Variants in CNTN5 observed in about 807,000 individuals in gnomAD.
CNTN5 encodes contactin-5.
CNTN5 carries 77 observed loss-of-function variants against 129.1 expected under a neutral mutation model. The ratio of observed to expected loss-of-function variants is 0.60; its 90% confidence interval spans 0.50 to 0.72. The LOEUF (loss-of-function observed/expected upper bound fraction) is 0.72. Among genes scored for constraint, CNTN5 ranks in the 30% least tolerant of loss-of-function variants. The probability of loss-of-function intolerance (pLI) is 0.00; values close to 1 mark genes in which losing one functional copy is unlikely to be tolerated. For missense variants in CNTN5, 1,478 were observed against 1,328.8 expected, an observed-to-expected ratio of 1.11 and a Z score of -1.75; for synonymous variants, 509 against 465.6, an observed-to-expected ratio of 1.09 and a Z score of -1.20.
chr11:99,300,820 A>G (rs1394088735), intron 1 of CNTN5, among the ~76,000 whole-genome samples: 1 of 152,054 alleles, frequency 6.6e-6, no homozygotes, highest in Non-Finnish European at 1.5e-5. Flanking sequence ...GTAACAATAA[A>G]GAGATCATAA....
At chr11:99,822,610 C>G (rs1946836175) in intron 4 of CNTN5, among the ~76,000 whole-genome samples, 1 of 151,924 alleles carries the variant, frequency 6.6e-6, no homozygotes, top group Non-Finnish European at 1.5e-5. Context: ...CCACTGCGGA[C>G]AAAGGGAGAA....
At chr11:99,921,012 T>G (rs1028438543) in intron 7 of CNTN5, among the ~76,000 whole-genome samples, 4 of 152,078 alleles carry the variant, frequency 2.6e-5, no homozygotes, top group African/African-American at 9.7e-5. Context: ...CTACTGAATG[T>G]GAGAAAACAA....
chr11:99,578,547 T>A (rs1256160667), intron 3 of CNTN5, among the ~76,000 whole-genome samples: 1 of 150,994 alleles, frequency 6.6e-6, no homozygotes, highest in Admixed American at 6.6e-5. Context: ...GGTATCTCAC[T>A]GTGGTTTTGA....
chr11:99,254,808 GT>G (rs1862294525), intron 1 of CNTN5, among the ~76,000 whole-genome samples: 1 of 151,816 alleles, frequency 6.6e-6, no homozygotes, highest in African/African-American at 2.4e-5. Flanking sequence ...TTTTTCTCAT[GT>G]TACCCCAATA....
chr11:100,189,252 T>C (rs1201781200), intron 13 of CNTN5, among the ~76,000 whole-genome samples: 1 of 125,774 alleles, frequency 8.0e-6, no homozygotes, highest in Non-Finnish European at 1.7e-5. Context: ...AATTATAAAA[T>C]AAATAAGTTG....
At chr11:99,448,920 A>G (rs1183107913) in intron 2 of CNTN5, among the ~76,000 whole-genome samples, 1 of 151,540 alleles carries the variant, frequency 6.6e-6, no homozygotes, top group Non-Finnish European at 1.5e-5. Context: ...AGCTGGGACT[A>G]CAGATGCATA....
chr11:99,327,880 C>T (rs1012238074), intron 2 of CNTN5, among the ~76,000 whole-genome samples: 1 of 152,140 alleles, frequency 6.6e-6, no homozygotes, highest in Non-Finnish European at 1.5e-5. Context: ...ATAACTTATA[C>T]AACTCATCCA....
At chr11:99,630,058 A>G (rs866352998) in intron 3 of CNTN5, among the ~76,000 whole-genome samples, 1 of 151,968 alleles carries the variant, frequency 6.6e-6, no homozygotes, top group Non-Finnish European at 1.5e-5. Context: ...GGTAACTCCC[A>G]TGCTAGACTG....
intron 3 of CNTN5, among the ~76,000 whole-genome samples, chr11:99,784,394 G>A (rs907190749): frequency 1.3e-5 from 2 of 151,792 alleles, no homozygotes; most frequent in African/African-American, 4.8e-5. Context: ...GTGAGAACAT[G>A]CGGTGTTTGG....
chr11:99,363,547 A>G (rs1321671096), intron 2 of CNTN5, among the ~76,000 whole-genome samples: 1 of 152,120 alleles, frequency 6.6e-6, no homozygotes, highest in African/African-American at 2.4e-5. Context: ...ATGATGAAGG[A>G]CAAAACTGTT....
At chr11:99,936,432 T>G (rs1464964035) in intron 7 of CNTN5, among the ~76,000 whole-genome samples, 1 of 152,208 alleles carries the variant, frequency 6.6e-6, no homozygotes, top group Non-Finnish European at 1.5e-5. Context: ...ACAAAGGGCC[T>G]TATCTTTTTT....
intron 7 of CNTN5, among the ~76,000 whole-genome samples, chr11:99,955,227 G>A (rs190426369): frequency 6.6e-6 from 1 of 151,274 alleles, no homozygotes; most frequent in African/African-American, 2.4e-5. Flanking sequence ...TTCCATTATA[G>A]CAATTAAAGG....
chr11:99,749,250 C>T (rs138489679), intron 3 of CNTN5, among the ~76,000 whole-genome samples: 4 of 151,880 alleles, frequency 2.6e-5, no homozygotes, highest in Admixed American at 2.6e-4. Flanking sequence ...GATTCTCAAC[C>T]TATATTCAGA....
chr11:99,623,317 A>G (rs181388811), intron 3 of CNTN5, among the ~76,000 whole-genome samples: 172 of 152,182 alleles, frequency 1.1e-3, no homozygotes, highest in Non-Finnish European at 2.2e-3. Flanking sequence ...CTTAAGCTCA[A>G]CTGGATCCCA....
chr11:99,609,329 A>C (rs1317808664), intron 3 of CNTN5, among the ~76,000 whole-genome samples: 1 of 152,172 alleles, frequency 6.6e-6, no homozygotes, highest in Non-Finnish European at 1.5e-5. Flanking sequence ...CACAGACCCC[A>C]AAAGATGAGT....
intron 3 of CNTN5, among the ~76,000 whole-genome samples, chr11:99,687,096 T>C (rs896223948): frequency 6.6e-5 from 10 of 152,260 alleles, no homozygotes; most frequent in African/African-American, 2.4e-4. Flanking sequence ...CTCATAGTTA[T>C]TTATACAAGA....
chr11:99,517,108 C>A (rs1358485592), intron 2 of CNTN5, among the ~76,000 whole-genome samples: 1 of 151,948 alleles, frequency 6.6e-6, no homozygotes, highest in East Asian at 1.9e-4. Flanking sequence ...CTTACAACAC[C>A]CTATAGACAG....
At chr11:99,426,267 TA>T (rs781271223) in intron 2 of CNTN5, among the ~76,000 whole-genome samples, 13 of 152,220 alleles carry the variant, frequency 8.5e-5, no homozygotes, top group Non-Finnish European at 1.5e-4. Flanking sequence ...AACAGAGGTT[TA>T]AAACACTTGA....
At chr11:99,850,421 G>A (rs1442460809) in intron 6 of CNTN5, among the ~76,000 whole-genome samples, 1 of 152,058 alleles carries the variant, frequency 6.6e-6, no homozygotes, top group Admixed American at 6.6e-5. Context: ...TTAATATCTG[G>A]TGATGTAGCA....
Sources: gnomAD v4.1 joint callset for allele counts (sites outside exome capture counted in the v4.1 genomes callset) on GRCh38, gnomAD v4.1.1 for gene constraint, MANE v1.5 for transcripts, NCBI Gene and HGNC (gene_info 2026-07-23, HGNC 2026-07-21) for gene names.